Variants in DRC11 observed in about 807,000 individuals in gnomAD.
DRC11 encodes the protein IQ and AAA domain-containing protein 1.
the DRC11 span, among the ~76,000 whole-genome samples, chr2:236,357,066 T>C: frequency 3.2e-5 from 4 of 125,644 alleles, no homozygotes; most frequent in East Asian, 8.5e-4. Flanking sequence ...ATTTATATAT[T>C]CATATATTAT....
At chr2:236,463,325 A>G in the DRC11 span, among the ~76,000 whole-genome samples, 3 of 152,374 alleles carry the variant, frequency 2.0e-5, no homozygotes, top group East Asian at 3.9e-4. The surrounding 1 kb of genome is among the most constrained non-coding windows in gnomAD (Gnocchi z 5.0). Flanking sequence ...CTCAATTAAC[A>G]GCAGCCCTCT....
the DRC11 span, among the ~76,000 whole-genome samples, chr2:236,477,038 T>C: frequency 2.0e-5 from 3 of 152,210 alleles, no homozygotes; most frequent in Non-Finnish European, 2.9e-5. Context: ...TCTCCATCTA[T>C]GTTCACTGGG....
At chr2:236,365,837 C>T in the DRC11 span, among the ~76,000 whole-genome samples, 1 of 152,128 alleles carries the variant, frequency 6.6e-6, no homozygotes, top group Non-Finnish European at 1.5e-5. This position sits in a 1 kb window ranked among gnomAD's most constrained non-coding sequence, Gnocchi z 7.4. Context: ...TGCCAGTGTC[C>T]ACAGCTCTTC....
the DRC11 span, among the ~76,000 whole-genome samples, chr2:236,449,516 C>T: frequency 0.02 from 2,998 of 152,326 alleles, 47 homozygotes; most frequent in Non-Finnish European, 0.031. This position sits in a 1 kb window ranked among gnomAD's most constrained non-coding sequence, Gnocchi z 5.1. Context: ...CCCCACAGTC[C>T]GGAGGCGGGG....
chr2:236,500,545 A>G, the DRC11 span, among the ~76,000 whole-genome samples: 108 of 152,344 alleles, frequency 7.1e-4, no homozygotes, highest in Admixed American at 1.2e-3. This position sits in a 1 kb window ranked among gnomAD's most constrained non-coding sequence, Gnocchi z 6.3. Context: ...CAGATTTCTC[A>G]AAACTTAGCA....
chr2:236,449,404 G>A, the DRC11 span, among the ~76,000 whole-genome samples: 1 of 152,160 alleles, frequency 6.6e-6, no homozygotes, highest in Non-Finnish European at 1.5e-5. This position sits in a 1 kb window ranked among gnomAD's most constrained non-coding sequence, Gnocchi z 5.1. Flanking sequence ...CTCCGCCTCC[G>A]CAATACTTTA....
chr2:236,502,355 T>G, the DRC11 span, among the ~76,000 whole-genome samples: 3 of 151,240 alleles, frequency 2.0e-5, no homozygotes, highest in Non-Finnish European at 4.4e-5. Context: ...GGTGGGTGGA[T>G]CATTTGAGGT....
At chr2:236,318,167 G>A in the DRC11 span, among the ~76,000 whole-genome samples, 1 of 151,750 alleles carries the variant, frequency 6.6e-6, no homozygotes, top group African/African-American at 2.4e-5. This position sits in a 1 kb window ranked among gnomAD's most constrained non-coding sequence, Gnocchi z 7.0. Flanking sequence ...TGGGAGCTGG[G>A]TGTCTGCGTC....
At chr2:236,471,186 AG>A in the DRC11 span, among the ~76,000 whole-genome samples, 1 of 152,216 alleles carries the variant, frequency 6.6e-6, no homozygotes, top group African/African-American at 2.4e-5. The surrounding 1 kb of genome is among the most constrained non-coding windows in gnomAD (Gnocchi z 4.6). Context: ...TCACACAGCC[AG>A]GAAGTGGCTG....
the DRC11 span, among the ~76,000 whole-genome samples, chr2:236,360,901 A>C: frequency 6.6e-6 from 1 of 152,242 alleles, no homozygotes; most frequent in Non-Finnish European, 1.5e-5. This position sits in a 1 kb window ranked among gnomAD's most constrained non-coding sequence, Gnocchi z 5.8. Flanking sequence ...CAAGCTGATC[A>C]GCCAGTAATT....
At chr2:236,477,529 C>G in the DRC11 span, among the ~76,000 whole-genome samples, 1 of 152,016 alleles carries the variant, frequency 6.6e-6, no homozygotes, top group African/African-American at 2.4e-5. Flanking sequence ...TATAAGTGGG[C>G]CCATGCAGTT....
At chr2:236,392,028 G>C in the DRC11 span, 48 of 1,613,830 alleles carry the variant, frequency 3.0e-5, no homozygotes, top group Non-Finnish European at 3.9e-5. The surrounding 1 kb of genome is among the most constrained non-coding windows in gnomAD (Gnocchi z 5.1). Flanking sequence ...TCTGTCCACA[G>C]CTAGCTTTAA....
At chr2:236,503,627 T>C in the DRC11 span, 2 of 1,549,528 alleles carry the variant, frequency 1.3e-6, no homozygotes, top group South Asian at 1.2e-5. This position sits in a 1 kb window ranked among gnomAD's most constrained non-coding sequence, Gnocchi z 4.9. Flanking sequence ...CCCTGCATCA[T>C]TACCTGTTTT....
the DRC11 span, among the ~76,000 whole-genome samples, chr2:236,401,646 G>A: frequency 1.3e-5 from 2 of 152,148 alleles, no homozygotes; most frequent in Non-Finnish European, 2.9e-5. This position sits in a 1 kb window ranked among gnomAD's most constrained non-coding sequence, Gnocchi z 4.6. Context: ...GAAGACCTAG[G>A]CTGAGAGCGT....
the DRC11 span, among the ~76,000 whole-genome samples, chr2:236,428,462 A>G: frequency 6.6e-6 from 1 of 152,094 alleles, no homozygotes; most frequent in African/African-American, 2.4e-5. Context: ...CTATTGATGA[A>G]CTGATCTCTT....
the DRC11 span, among the ~76,000 whole-genome samples, chr2:236,450,270 G>T: frequency 6.6e-6 from 1 of 151,210 alleles, no homozygotes; most frequent in African/African-American, 2.4e-5. Flanking sequence ...CCTGTCTTTA[G>T]GGGAGTTACA....
the DRC11 span, among the ~76,000 whole-genome samples, chr2:236,336,092 G>GA: frequency 1.3e-5 from 2 of 152,144 alleles, no homozygotes; most frequent in Non-Finnish European, 2.9e-5. This position sits in a 1 kb window ranked among gnomAD's most constrained non-coding sequence, Gnocchi z 7.3. Context: ...CCTAAAAGAT[G>GA]AAGAAGGCAC....
chr2:236,493,616 G>T, the DRC11 span, among the ~76,000 whole-genome samples: 1 of 152,110 alleles, frequency 6.6e-6, no homozygotes, highest in East Asian at 1.9e-4. Context: ...ACATCCAAAA[G>T]TTATGCAACT....
the DRC11 span, among the ~76,000 whole-genome samples, chr2:236,432,144 T>A: frequency 6.6e-6 from 1 of 152,182 alleles, no homozygotes; most frequent in Non-Finnish European, 1.5e-5. Context: ...GCATTACATT[T>A]CCATTTTAAT....
Sources: allele counts gnomAD v4.1 joint callset (sites outside exome capture counted in the v4.1 genomes callset), GRCh38; gene constraint gnomAD v4.1.1; non-coding constraint Gnocchi (gnomAD v3.1); transcripts MANE v1.5; gene names NCBI Gene and HGNC (gene_info 2026-07-23, HGNC 2026-07-21).